TAB2: variants seen among roughly 807,000 people sequenced by gnomAD.
The protein encoded by TAB2 is TGF-beta activated kinase 1 (MAP3K7) binding protein 2.
Under a neutral mutation model 65.0 loss-of-function variants are expected in TAB2, and 3 were observed. The observed-to-expected ratio is 0.05, with a 90% CI of 0.02 to 0.12. The LOEUF (loss-of-function observed/expected upper bound fraction) is 0.12. TAB2 is among the 10% of genes least tolerant of loss of function. TAB2 has a pLI of 1.00. For missense variants in TAB2, 623 were observed against 840.3 expected, an observed-to-expected ratio of 0.74 and a Z score of 3.20; for synonymous variants, 298 against 285.1, an observed-to-expected ratio of 1.05 and a Z score of -0.46.
intron 1 of TAB2, chr6:149,318,654 C>A (rs1358759496): frequency 6.6e-6 from 1 of 152,212 alleles, no homozygotes; most frequent in Non-Finnish European, 1.5e-5. Flanking sequence ...TCAAACCCTA[C>A]GATTGTGGTT....
At chr6:149,310,030 A>C (rs1292859272) in intron 1 of TAB2, among the ~76,000 whole-genome samples, 1 of 152,128 alleles carries the variant, frequency 6.6e-6, no homozygotes, top group Non-Finnish European at 1.5e-5. Context: ...ATTGTGACTG[A>C]GTTAAGTTTA....
At chr6:149,218,249 T>A (rs1777063189), upstream of TAB2, among the ~76,000 whole-genome samples, 1 of 152,182 alleles carries the variant, frequency 6.6e-6, no homozygotes, top group Admixed American at 6.5e-5. Context: ...TGCAGTAAAT[T>A]TTGTACTCGG....
chr6:149,311,305 G>C (rs1779162344), intron 1 of TAB2, among the ~76,000 whole-genome samples: 1 of 152,054 alleles, frequency 6.6e-6, no homozygotes, highest in African/African-American at 2.4e-5. Context: ...CCGTTTTTCT[G>C]TCAATTGAAA....
intron 1 of TAB2, among the ~76,000 whole-genome samples, chr6:149,279,813 C>T (rs762758162): frequency 3.3e-5 from 5 of 152,190 alleles, no homozygotes; most frequent in Non-Finnish European, 5.9e-5. Context: ...ACATTCTAAC[C>T]TCTAAATGTC....
chr6:149,290,284 A>G (rs1778752624), intron 1 of TAB2, among the ~76,000 whole-genome samples: 1 of 152,142 alleles, frequency 6.6e-6, no homozygotes, highest in Admixed American at 6.5e-5. Context: ...TTTTGCAGGA[A>G]CCCATGGCTC....
intron 1 of TAB2, among the ~76,000 whole-genome samples, chr6:149,345,092 T>G (rs768934985): frequency 6.6e-6 from 1 of 152,098 alleles, no homozygotes; most frequent in Non-Finnish European, 1.5e-5. Flanking sequence ...TTCCTTTAAT[T>G]AATTAAACCA....
Position 149,387,843 on chromosome 6 carries a change from G to A in TAB2, c.1603+8325G>A, listed in dbSNP as rs114910283. On this transcript the variant is annotated intron_variant, in intron 3 of 6. Coordinates refer to ENST00000637181, the MANE Select transcript of TAB2 (RefSeq NM_001292034.3). ...ATCTCTTTGAGAGAATTCCATGTCA[G>A]CAGGATCTGCTTTTTAAGAAATGGC... 4.5e-3 allele frequency among the ~76,000 whole-genome samples: 690 copies of A among 152,170 alleles called. 4 individuals carry two copies. The highest frequency in any genetic ancestry group is 0.016 in the African/African-American group (668 of 41,522).
intron 1 of TAB2, among the ~76,000 whole-genome samples, chr6:149,347,865 T>C (rs1311813466): frequency 6.6e-6 from 1 of 152,170 alleles, no homozygotes; most frequent in East Asian, 1.9e-4. Context: ...GTAAAAGGTA[T>C]TTAAATAGTG....
chr6:149,242,317 A>G (rs1366213135), intron 1 of TAB2, among the ~76,000 whole-genome samples: 1 of 152,238 alleles, frequency 6.6e-6, no homozygotes, highest in African/African-American at 2.4e-5. Flanking sequence ...AAGGTTTGAA[A>G]TAACTCAAAT....
At chr6:149,297,595 G>C (rs9498305) in intron 1 of TAB2, among the ~76,000 whole-genome samples, 6,744 of 152,222 alleles carry the variant, frequency 0.044, 473 homozygotes, top group African/African-American at 0.15. Flanking sequence ...CATGATCATA[G>C]CTCACTGCAT....
At chr6:149,276,093 A>C (rs187813373) in intron 1 of TAB2, among the ~76,000 whole-genome samples, 2,118 of 152,324 alleles carry the variant, frequency 0.014, 45 homozygotes, top group African/African-American at 0.049. Flanking sequence ...TAAGAGGTTA[A>C]TAATAGGGAA....
intron 1 of TAB2, among the ~76,000 whole-genome samples, chr6:149,248,522 T>C (rs781509451): frequency 2.6e-5 from 4 of 151,278 alleles, no homozygotes; most frequent in Non-Finnish European, 5.9e-5. Context: ...AAGAAAAGCA[T>C]TCTACACATT....
intron 1 of TAB2, chr6:149,255,426 G>T (rs752848242): frequency 1.3e-5 from 2 of 152,238 alleles, no homozygotes; most frequent in African/African-American, 2.4e-5. Flanking sequence ...GAGTGTGTAT[G>T]TGTGTTTCTG....
At chr6:149,349,228 G>A (rs937710598) in intron 1 of TAB2, among the ~76,000 whole-genome samples, 1 of 151,462 alleles carries the variant, frequency 6.6e-6, no homozygotes, top group Non-Finnish European at 1.5e-5. Flanking sequence ...AGATGATCCT[G>A]GCTAACACAG....
chr6:149,218,848 C>G, intron 1 of TAB2: 1 of 449,492 alleles, frequency 2.2e-6, no homozygotes, highest in Non-Finnish European at 4.5e-6. Flanking sequence ...TCTGTTTGAA[C>G]TTCTGTAGAA....
At chr6:149,343,619 A>G (rs558389140) in intron 1 of TAB2, among the ~76,000 whole-genome samples, 1 of 152,348 alleles carries the variant, frequency 6.6e-6, no homozygotes, top group South Asian at 2.1e-4. Flanking sequence ...ATATTTGCTA[A>G]TATTTTACTT....
At chr6:149,349,282 C>T (rs969016205) in intron 1 of TAB2, among the ~76,000 whole-genome samples, 5 of 151,204 alleles carry the variant, frequency 3.3e-5, no homozygotes, top group Admixed American at 6.6e-5. Flanking sequence ...TAGCCAGGCA[C>T]GGTGGCACGC....
At chr6:149,325,686 TA>T (rs749870788) in intron 1 of TAB2, among the ~76,000 whole-genome samples, 9 of 152,180 alleles carry the variant, frequency 5.9e-5, no homozygotes, top group Non-Finnish European at 7.3e-5. Context: ...AGGTTTAATA[TA>T]ATACTACAAA....
intron 1 of TAB2, among the ~76,000 whole-genome samples, chr6:149,341,079 G>C (rs1394322834): frequency 1.3e-5 from 2 of 151,884 alleles, no homozygotes; most frequent in African/African-American, 2.4e-5. Context: ...TGCATTGATT[G>C]CTTTTATGTT....
Sources: gnomAD v4.1 joint callset for allele counts (sites outside exome capture counted in the v4.1 genomes callset) on GRCh38, gnomAD v4.1.1 for gene constraint, MANE v1.5 for transcripts, NCBI Gene and HGNC (gene_info 2026-07-23, HGNC 2026-07-21) for gene names.